The following TPGS2 variants were observed in gnomAD, a reference collection of about 807,000 sequenced individuals.
TPGS2 encodes the protein polyglutamylase subunit 2.
TPGS2 carries 26 observed loss-of-function variants against 31.1 expected under a neutral mutation model. That is an observed-to-expected ratio of 0.84 (90% CI 0.61 to 1.16). TPGS2 has a LOEUF of 1.16. TPGS2 is among the 50% of genes most tolerant of loss of function. The pLI is 0.00. For missense variants in TPGS2, 351 were observed against 363.8 expected, an observed-to-expected ratio of 0.96 and a Z score of 0.29; for synonymous variants, 130 against 136.6, an observed-to-expected ratio of 0.95 and a Z score of 0.34.
downstream of TPGS2, chr18:36,780,294 C>T: frequency 1.2e-6 from 1 of 838,852 alleles, no homozygotes; most frequent in Non-Finnish European, 1.6e-6. Context: ...TGTTGTTAAC[C>T]TAACATCTAT....
chr18:36,796,697 C>A lies in TPGS2; in HGVS notation c.*108G>T, dbSNP rs2044540796. ...AAGCCTTACAATTTTGGTCATTCAA[C>A]TAGAAAGAGGCCTACGGTCCACACG... On this transcript the variant is annotated 3_prime_UTR_variant, in exon 7 of 7. Transcript: ENST00000334295. 1.4e-6 allele frequency: 2 copies of A among 1,473,432 alleles called. No individual in the cohort carries two copies. The highest frequency in any genetic ancestry group is 1.6e-5 in the South Asian group (1 of 64,256). 91.3% of individuals were successfully genotyped at this position (1,473,432 alleles called of 1,614,324 possible). A position where few individuals can be genotyped will look rare whatever the true frequency, so the allele number is the denominator to read the frequency against.
chr18:36,785,587 T>C (rs2044108605), intron 6 of TPGS2, among the ~76,000 whole-genome samples: 1 of 152,176 alleles, frequency 6.6e-6, no homozygotes, highest in African/African-American at 2.4e-5. Context: ...ATGAGCACTA[T>C]TGTCTTTAAG....
rs762565101 is a variant in TPGS2 at position 36,805,360 on chromosome 18, T to G, written c.382+14A>C. ...ATGCTGGAAACAAAGATACCAACCT[T>G]GGTATCTTCCTACCTTCATGTGTAT... On this transcript the variant is annotated intron_variant, in intron 4 of 6. Transcript: ENST00000334295. The G allele has an allele frequency of 1.2e-6, 2 of 1,613,396 alleles. No individual in the cohort carries two copies. Among genetic ancestry groups the G allele is most frequent in the East Asian group, 4.5e-5 (2 of 44,858 alleles).
chr18:36,823,529 C>CG (rs2045994544), intron 1 of TPGS2, among the ~76,000 whole-genome samples: 1 of 140,506 alleles, frequency 7.1e-6, no homozygotes, highest in Non-Finnish European at 1.5e-5. Flanking sequence ...GGCGCGATCT[C>CG]GGCTCACTGC....
At chr18:36,793,811 C>T (rs2044400120), downstream of TPGS2, among the ~76,000 whole-genome samples, 1 of 151,598 alleles carries the variant, frequency 6.6e-6, no homozygotes, top group Non-Finnish European at 1.5e-5. Context: ...GATCTCGGCT[C>T]ACTGCAAGCT....
At position 36,805,517 on chromosome 18, in the gene TPGS2, GTTAAGGAGAA is replaced by G. The variant is rs779668155; in HGVS notation, c.254-25_254-16del. ...AATGATGTGCTCTAGGGGAACATGC[GTTAAGGAGAA>G]TTACATGGAGTAACAGCCTAGTTAC... On this transcript the variant is annotated splice_polypyrimidine_tract_variant and intron_variant, in intron 3 of 6. Coordinates refer to ENST00000334295, the MANE Select transcript of TPGS2 (RefSeq NM_015476.4). 7.4e-6 allele frequency: 12 copies of G among 1,613,792 alleles called. No individual in the cohort carries two copies. Among genetic ancestry groups the G allele is most frequent in the Non-Finnish European group, 1.0e-5 (12 of 1,179,772 alleles).
chr18:36,826,768 C>G (rs940426694), intron 1 of TPGS2, among the ~76,000 whole-genome samples: 1 of 152,092 alleles, frequency 6.6e-6, no homozygotes, highest in African/African-American at 2.4e-5. Flanking sequence ...CTGGTGTGAT[C>G]TTGGGGAACC....
At chr18:36,808,531 G>A (rs1158176464) in intron 2 of TPGS2, among the ~76,000 whole-genome samples, 1 of 151,966 alleles carries the variant, frequency 6.6e-6, no homozygotes, top group African/African-American at 2.4e-5. Context: ...CCAGCTACTC[G>A]GGAGGCTGAG....
intron 2 of TPGS2, among the ~76,000 whole-genome samples, chr18:36,809,127 G>T (rs988246352): frequency 4.6e-5 from 7 of 152,218 alleles, no homozygotes; most frequent in Non-Finnish European, 8.8e-5. Context: ...GTAGAAGGAC[G>T]ATTTGAGTTC....
rs2044475137 is a variant in TPGS2, at chr18:36,795,286, A to G, written c.*1519T>C. On this transcript the variant is annotated 3_prime_UTR_variant, in exon 7 of 7. Transcript: ENST00000334295. ...TTTGGAAGAGGGAAACCCTGGGTCG[A>G]TTAGCAGGTAGACAGTGCAAAGGAA... is the stretch of plus-strand genomic sequence containing the variant. 1 of 985,510 alleles carries G rather than the reference A, an allele frequency of 1.0e-6. No homozygotes were observed. 61.0% of individuals were successfully genotyped at this position (985,510 alleles called of 1,614,324 possible). A position where few individuals can be genotyped will look rare whatever the true frequency, so the allele number is the denominator to read the frequency against.
At chr18:36,785,854 A>G (rs2044113902) in intron 6 of TPGS2, among the ~76,000 whole-genome samples, 1 of 152,200 alleles carries the variant, frequency 6.6e-6, no homozygotes, top group Admixed American at 6.5e-5. Flanking sequence ...TATTTCTTAT[A>G]AAGGGTCAAC....
Position 36,818,983 on chromosome 18 carries a change from A to T in TPGS2, c.86-10T>A, listed in dbSNP as rs2045781422. 6.2e-7 allele frequency: 1 copy of T among 1,610,516 alleles called. No homozygotes were observed. The highest frequency in any genetic ancestry group is 2.2e-5 in the East Asian group (1 of 44,870). ...ACACCTGGGGAAGATTCTGGAAGAG[A>T]AAAAAGAGTCTGTAGAGTTGCAATT... is the stretch of plus-strand genomic sequence containing the variant. On this transcript the variant is annotated splice_polypyrimidine_tract_variant and intron_variant, in intron 1 of 6. Transcript: ENST00000334295.
chr18:36,808,247 G>C (rs558286203), intron 2 of TPGS2, among the ~76,000 whole-genome samples: 45 of 152,132 alleles, frequency 3.0e-4, no homozygotes, highest in Non-Finnish European at 2.4e-4. Flanking sequence ...ATGGCAAGAG[G>C]GGAAGTCCTA....
chr18:36,806,989 T>A (rs1454788657), intron 3 of TPGS2, among the ~76,000 whole-genome samples: 3 of 150,742 alleles, frequency 2.0e-5, no homozygotes, highest in Non-Finnish European at 4.4e-5. Flanking sequence ...AGAAGTCTGC[T>A]CTGTAGATTT....
intron 5 of TPGS2, among the ~76,000 whole-genome samples, chr18:36,798,936 T>C (rs915727299): frequency 6.6e-6 from 1 of 152,084 alleles, no homozygotes; most frequent in African/African-American, 2.4e-5. Context: ...CCTCCCCCGG[T>C]AGGGGGGCGG....
rs1272071915 is a variant in TPGS2 at position 36,800,231 on chromosome 18, TCCCA to T, written c.459_462del (p.Ser153ArgfsTer14). 5.0e-6 allele frequency: 8 copies of T among 1,614,016 alleles called. No homozygotes were observed. The highest frequency in any genetic ancestry group is 5.9e-6 in the Non-Finnish European group (7 of 1,180,006). ...CCACTTTTGTAGACAAGGCAAACTT[TCCCA>T]CTGCCATTGCATGAATCCAGCTCAA... On this transcript the variant is annotated frameshift_variant, in exon 5 of 7. Transcript: ENST00000334295. LOFTEE classifies it high-confidence loss of function.
chr18:36,807,924 C>G lies in TPGS2; in HGVS notation c.176G>C (p.Cys59Ser). The G allele has an allele frequency of 1.2e-6, 2 of 1,614,136 alleles. No individual in the cohort carries two copies. The highest frequency in any genetic ancestry group is 1.7e-6 in the Non-Finnish European group (2 of 1,180,014). Residue 59 changes from cysteine (C) to serine (S), a missense_variant, in exon 3 of 7, where the codon TGT (cysteine) becomes TCT (serine). Cys to Ser is a moderately radical substitution (Grantham distance 112). Transcript: ENST00000334295. ...GTTCTTCACATCTTCAGGCATCACA[C>G]AGTTATTCTTCTAGAATCACAAAGC... Reference protein sequence around the residue: ...MISSWEQKNNCVMPEDVKNFY... With the variant: ...MISSWEQKNNSVMPEDVKNFY...
intron 4 of TPGS2, among the ~76,000 whole-genome samples, chr18:36,800,843 C>T (rs1600761223): frequency 6.6e-6 from 1 of 152,182 alleles, no homozygotes. Context: ...GCATGTGCCA[C>T]CACGCCTGGC....
Position 36,796,509 on chromosome 18 carries a change from G to C in TPGS2, c.*296C>G, listed in dbSNP as rs2150558146. 3.3e-6 allele frequency: 4 copies of C among 1,198,958 alleles called. No individual in the cohort carries two copies. The highest frequency in any genetic ancestry group is 4.5e-5 in the East Asian group (1 of 22,290). The allele number at this position is 1,198,958 out of a possible 1,614,324, so 74.3% of individuals were successfully genotyped here. On this transcript the variant is annotated 3_prime_UTR_variant, in exon 7 of 7. Transcript: ENST00000334295. ...TTTGGGGGACCTCTCTAATCAATCA[G>C]TGCTAAGGGATTGAGGGTTGAGTGT...
Sources: allele counts gnomAD v4.1 joint callset (sites outside exome capture counted in the v4.1 genomes callset), GRCh38; gene constraint gnomAD v4.1.1; transcripts MANE v1.5; gene names NCBI Gene and HGNC (gene_info 2026-07-23, HGNC 2026-07-21).